The following SPEN variants were observed in gnomAD, a reference collection of about 807,000 sequenced individuals.
SPEN encodes the protein msx2-interacting protein.
Under a neutral mutation model 269.9 loss-of-function variants are expected in SPEN, and 18 were observed. The ratio of observed to expected loss-of-function variants is 0.07; its 90% CI spans 0.05 to 0.10. SPEN has a LOEUF of 0.10. SPEN is among the 10% of genes least tolerant of loss of function. The probability of loss-of-function intolerance (pLI) is 1.00; values close to 1 mark genes in which losing one functional copy is unlikely to be tolerated. For synonymous variants in SPEN, 1,726 were observed against 1,765.7 expected, an observed-to-expected ratio of 0.98 and a Z score of 0.56; for missense variants, 3,822 against 4,631.2, an observed-to-expected ratio of 0.83 and a Z score of 5.07.
chr1:15,918,332 C>G (rs2071085767), intron 6 of SPEN, among the ~76,000 whole-genome samples: 1 of 152,260 alleles, frequency 6.6e-6, no homozygotes, highest in Non-Finnish European at 1.5e-5. Context: ...GATTCTCTTG[C>G]CTCAGCCTTC....
intron 5 of SPEN, 100 bp downstream of exon 5, chr1:15,911,401 T>G: frequency 1.1e-6 from 1 of 885,788 alleles, no homozygotes; most frequent in Non-Finnish European, 1.8e-6. Context: ...AGGACACTAT[T>G]CTGGCTTTAT....
At chr1:15,897,454 C>T (rs959092877) in intron 3 of SPEN, among the ~76,000 whole-genome samples, 13 of 151,838 alleles carry the variant, frequency 8.6e-5, no homozygotes, top group African/African-American at 3.1e-4. Context: ...CCTCCGCCTT[C>T]TGGGTTCAAG....
At chr1:15,860,325 C>T (rs547769221) in intron 1 of SPEN, among the ~76,000 whole-genome samples, 1 of 151,838 alleles carries the variant, frequency 6.6e-6, no homozygotes, top group Admixed American at 6.6e-5. Context: ...CAGCCTCAAC[C>T]TCCCAGGCTC....
At chr1:15,857,779 G>A (rs192954270) in intron 1 of SPEN, among the ~76,000 whole-genome samples, 1 of 151,888 alleles carries the variant, frequency 6.6e-6, no homozygotes, top group East Asian at 1.9e-4. Context: ...TCCCACCTTA[G>A]CCTTCTCAGT....
Position 15,932,557 on chromosome 1 carries a change from C to A in SPEN, c.6317C>A (p.Ala2106Glu). ...GCTGCTGTCAGTCCCAGGGGGGCTG[C>A]AGCACAGGCAGGGGAGAGGGAATCT... ...VDAAVSPRGA[A>E]AQAGERESGV... The change falls in exon 11 of 15, where the codon GCA becomes GAA. Residue 2106 changes from alanine to glutamate, a missense_variant. By Grantham distance (107) the Ala-to-Glu change is moderately radical. Transcript: ENST00000375759. This position sits in a 1 kb window ranked among gnomAD's most constrained non-coding sequence, Gnocchi z 4.2. 6.3e-7 allele frequency: 1 copy of A among 1,598,936 alleles called. No individual in the cohort carries two copies. The highest frequency in any genetic ancestry group is 1.1e-5 in the South Asian group (1 of 89,406).
In SPEN at chr1:15,939,387, A is replaced by G. The variant is rs775075668; in HGVS notation, c.10955A>G (p.Asn3652Ser). The change falls in exon 15 of 15, where the codon AAC becomes AGC. Residue 3652 changes from asparagine to serine, a missense_variant. Physicochemically the swap from Asn to Ser is conservative, Grantham distance 46 (BLOSUM62 1). Around this residue, in one of 16 missense-constraint regions of SPEN, gnomAD observed 103 missense variants for 215.8 expected, o/e 0.48. Transcript: ENST00000375759. The surrounding 1 kb of genome is among the most constrained non-coding windows in gnomAD (Gnocchi z 4.1). ...CCTGACCTCCTTGCCAGCATCTCCA[A>G]CATCTCTCCCCACCTCATGATTGTC... The part of the protein sequence containing the change: ...LAPDLLASIS[N>S]ISPHLMIVIA... 5.6e-6 allele frequency: 9 copies of G among 1,605,928 alleles called. No individual in the cohort carries two copies. The highest frequency in any genetic ancestry group is 5.1e-5 in the Admixed American group (3 of 58,952).
At chr1:15,862,817 A>G (rs543802680) in intron 1 of SPEN, among the ~76,000 whole-genome samples, 3 of 150,738 alleles carry the variant, frequency 2.0e-5, no homozygotes, top group Non-Finnish European at 4.4e-5. Flanking sequence ...GCTAGAGTGC[A>G]GTGATGCAAT....
intron 10 of SPEN, among the ~76,000 whole-genome samples, chr1:15,927,736 T>G (rs1389797437): frequency 1.3e-5 from 2 of 152,192 alleles, no homozygotes; most frequent in Non-Finnish European, 2.9e-5. Context: ...TTATATAAAT[T>G]CTGTATATGT....
At chr1:15,849,842 T>G (rs2070315565) in intron 1 of SPEN, among the ~76,000 whole-genome samples, 2 of 152,154 alleles carry the variant, frequency 1.3e-5, no homozygotes. Flanking sequence ...ATGTGCTCAC[T>G]TTAATCCCCT....
At position 15,932,473 on chromosome 1, in the gene SPEN, G is replaced by C. The variant is rs777734924; in HGVS notation, c.6233G>C (p.Gly2078Ala). The change falls in exon 11 of 15, where the codon GGA becomes GCA. Residue 2078 changes from glycine (G) to alanine (A), a missense_variant. Gly to Ala is a moderately conservative substitution (Grantham distance 60). Coordinates refer to ENST00000375759, the MANE Select transcript of SPEN (RefSeq NM_015001.3). The surrounding 1 kb of genome is among the most constrained non-coding windows in gnomAD (Gnocchi z 4.2). ...APEKNSKSKR[G>A]RSRNSRLAVD... ...GAAAAAAACTCCAAATCAAAGAGAG[G>C]AAGATCTCGAAACTCCAGGTTAGCA... The C allele has an allele frequency of 1.8e-5, 29 of 1,610,878 alleles. No individual in the cohort carries two copies. The highest frequency in any genetic ancestry group is 2.5e-5 in the Non-Finnish European group (29 of 1,179,068).
Position 15,929,356 on chromosome 1 carries a change from C to A in SPEN, c.3116C>A (p.Pro1039His), listed in dbSNP as rs1031340386. 8 of 1,613,086 alleles carry A rather than the reference C, an allele frequency of 5.0e-6. No homozygotes were observed. Among genetic ancestry groups the A allele is most frequent in the Non-Finnish European group, 6.8e-6 (8 of 1,179,732 alleles). Reference protein sequence around the residue: ...LLREGEAERKPVRKEILKRES... With the variant: ...LLREGEAERKHVRKEILKRES... Reference sequence around the variant, plus strand: ...AGGGAAGGAGAGGCTGAAAGAAAGCCTGTGAGGAAAGAAATTCTTAAAAGA... The same window carrying A: ...AGGGAAGGAGAGGCTGAAAGAAAGCATGTGAGGAAAGAAATTCTTAAAAGA... The change falls in exon 11 of 15, where the codon CCT (proline) becomes CAT (histidine). Residue 1039 changes from proline to histidine, a missense_variant. Around this residue, in one of 16 missense-constraint regions of SPEN, gnomAD observed 572 missense variants for 582.6 expected, o/e 0.98. Transcript: ENST00000375759. This position sits in a 1 kb window ranked among gnomAD's most constrained non-coding sequence, Gnocchi z 5.8.
Position 15,937,292 on chromosome 1 carries a change from C to T in SPEN, c.10156C>T (p.Pro3386Ser). ...CGGCCAGCCACCAAGCAGCAAGATG[C>T]CTCAAGTGTCCCAGGAGGCAAAGGG... Reference protein sequence around the residue: ...QPGQPPSSKMPQVSQEAKGTQ... With the variant: ...QPGQPPSSKMSQVSQEAKGTQ... The change falls in exon 12 of 15, where the codon CCT (proline) becomes TCT (serine). Residue 3386 changes from proline (P) to serine (S), a missense_variant. Pro to Ser is a moderately conservative substitution (Grantham distance 74). Transcript: ENST00000375759. The surrounding 1 kb of genome is among the most constrained non-coding windows in gnomAD (Gnocchi z 5.7). 6.2e-7 allele frequency: 1 copy of T among 1,613,946 alleles called. No homozygotes were observed. Among genetic ancestry groups the T allele is most frequent in the African/African-American group, 1.3e-5 (1 of 74,970 alleles).
intron 3 of SPEN, among the ~76,000 whole-genome samples, chr1:15,887,503 G>A (rs1214748593): frequency 6.8e-6 from 1 of 148,090 alleles, no homozygotes; most frequent in Non-Finnish European, 1.5e-5. Context: ...GGATGGTCTC[G>A]ATCTTCTGGT....
At chr1:15,924,567 T>C (rs2071149674) in intron 10 of SPEN, among the ~76,000 whole-genome samples, 1 of 152,132 alleles carries the variant, frequency 6.6e-6, no homozygotes, top group South Asian at 2.1e-4. Context: ...TTCAAGCGAT[T>C]CTCCTGCCTC....
intron 7 of SPEN, 145 bp from the exon 8 acceptor site, chr1:15,919,259 T>C: frequency 1.4e-6 from 1 of 692,284 alleles, no homozygotes; most frequent in Non-Finnish European, 2.3e-6. Context: ...TTTTTGTATA[T>C]TCCTATTTAA....
At chr1:15,865,997 G>A (rs1471515589) in intron 1 of SPEN, among the ~76,000 whole-genome samples, 3 of 151,176 alleles carry the variant, frequency 2.0e-5, no homozygotes, top group African/African-American at 7.3e-5. Context: ...TAATTTTTAT[G>A]TGGTTTGATT....
In SPEN at chr1:15,933,784, C is replaced by T; in HGVS notation, c.7544C>T (p.Ser2515Phe). 1 of 1,613,752 alleles carries T rather than the reference C, an allele frequency of 6.2e-7. No homozygotes were observed. The highest frequency in any genetic ancestry group is 8.5e-7 in the Non-Finnish European group (1 of 1,180,042). The change falls in exon 11 of 15, where the codon TCT becomes TTT. Residue 2515 changes from serine (S) to phenylalanine (F), a missense_variant. Around this residue, in one of 16 missense-constraint regions of SPEN, gnomAD observed 727 missense variants for 737.9 expected, o/e 0.99. Transcript: ENST00000375759. This position sits in a 1 kb window ranked among gnomAD's most constrained non-coding sequence, Gnocchi z 5.7. ...QEEPRAQSTP[S>F]PALPPDTKAS... ...GAGCCACGGGCTCAGTCTACTCCAT[C>T]TCCAGCTCTTCCCCCAGACACAAAG...
chr1:15,903,740 C>A (rs2070925423), intron 3 of SPEN, among the ~76,000 whole-genome samples: 1 of 152,196 alleles, frequency 6.6e-6, no homozygotes, highest in African/African-American at 2.4e-5. Flanking sequence ...AGGGATCCTC[C>A]TGCCTCAGCC....
intron 1 of SPEN, among the ~76,000 whole-genome samples, chr1:15,865,411 T>C (rs1477849415): frequency 1.4e-5 from 2 of 146,504 alleles, no homozygotes; most frequent in African/African-American, 2.5e-5. Context: ...CCTATGCAGG[T>C]ATATGCCTGT....
Sources: gnomAD v4.1 joint callset for allele counts (sites outside exome capture counted in the v4.1 genomes callset) on GRCh38, gnomAD v4.1.1 for gene constraint, gnomAD v4.1.1 regional missense constraint, Gnocchi (gnomAD v3.1) non-coding constraint, MANE v1.5 for transcripts, NCBI Gene and HGNC (gene_info 2026-07-23, HGNC 2026-07-21) for gene names.